DOP1A: variants seen among roughly 807,000 people sequenced by gnomAD.
DOP1A encodes protein DOP1A.
In DOP1A, 90 loss-of-function variants were observed where a neutral mutation model predicts 267.6. The ratio of observed to expected loss-of-function variants is 0.34; its 90% CI spans 0.28 to 0.40. The LOEUF (loss-of-function observed/expected upper bound fraction) is 0.40, where lower values mean the gene tolerates loss of function less well. Among genes scored for constraint, DOP1A ranks in the 10% least tolerant of loss-of-function variants. DOP1A has a pLI of 1.00. For synonymous variants in DOP1A, 932 were observed against 999.1 expected, an observed-to-expected ratio of 0.93 and a Z score of 1.27; for missense variants, 2,437 against 2,900.4, an observed-to-expected ratio of 0.84 and a Z score of 3.67.
intron 1 of DOP1A, among the ~76,000 whole-genome samples, chr6:83,084,002 TA>T (rs1008522489): frequency 2.6e-5 from 4 of 152,180 alleles, no homozygotes; most frequent in Admixed American, 2.6e-4. Context: ...ATTTACTTGG[TA>T]AAAAAAGAAA....
At chr6:83,134,418 T>C (rs897660430) in intron 19 of DOP1A, 131 bp downstream of exon 19, 2 of 689,190 alleles carry the variant, frequency 2.9e-6, no homozygotes, top group Admixed American at 7.3e-5. Context: ...ATTTATTATT[T>C]TGAAAACCGT....
intron 27 of DOP1A, among the ~76,000 whole-genome samples, chr6:83,149,439 C>G (rs1781186413): frequency 6.6e-6 from 1 of 152,106 alleles, no homozygotes; most frequent in South Asian, 2.1e-4. Flanking sequence ...CACAGAAAGC[C>G]TTTGTGAAAC....
intron 10 of DOP1A, 106 bp from the exon 11 acceptor site, chr6:83,121,824 T>G: frequency 3.4e-6 from 4 of 1,183,532 alleles, no homozygotes; most frequent in Non-Finnish European, 4.6e-6. Flanking sequence ...AATACTATTT[T>G]AAAAATACTT....
intron 20 of DOP1A, among the ~76,000 whole-genome samples, chr6:83,136,094 T>C (rs996997710): frequency 6.6e-6 from 1 of 152,126 alleles, no homozygotes; most frequent in Non-Finnish European, 1.5e-5. Context: ...GTTGACTCTT[T>C]CAGGGCAGGA....
chr6:83,108,868 G>T (rs1260228837), intron 4 of DOP1A, 42 bp from the exon 5 acceptor site: 15 of 1,551,018 alleles, frequency 9.7e-6, no homozygotes, highest in Non-Finnish European at 1.3e-5. Flanking sequence ...ATATTGTATA[G>T]TTATTTTGCT....
chr6:83,120,672 CT>C lies in DOP1A; in HGVS notation c.991-5del. On this transcript the variant is annotated splice_polypyrimidine_tract_variant and intron_variant, in intron 9 of 38. Transcript: ENST00000349129. Reference sequence around the variant, plus strand: ...TTACTTAAATGACCAGTGTACTTTCCTTTTTTAAAGGCAATGGTGGGAATCT... The same window carrying C: ...TTACTTAAATGACCAGTGTACTTTCCTTTTTAAAGGCAATGGTGGGAATCT... 1.3e-6 allele frequency: 2 copies of C among 1,556,940 alleles called. No homozygotes were observed. Among genetic ancestry groups the C allele is most frequent in the Non-Finnish European group, 8.8e-7 (1 of 1,139,126 alleles).
chr6:83,095,642 T>C (rs906847147), intron 1 of DOP1A, among the ~76,000 whole-genome samples: 9 of 152,244 alleles, frequency 5.9e-5, no homozygotes, highest in Non-Finnish European at 8.8e-5. Context: ...TACGTATTGC[T>C]GTGTAACAAA....
intron 17 of DOP1A, 91 bp from the exon 18 acceptor site, chr6:83,132,085 G>C: frequency 6.9e-7 from 1 of 1,451,736 alleles, no homozygotes; most frequent in Middle Eastern, 2.1e-4. Flanking sequence ...AGGTCTGACA[G>C]AGAGCAGGCA....
intron 8 of DOP1A, among the ~76,000 whole-genome samples, chr6:83,119,321 C>A (rs1354815512): frequency 6.6e-6 from 1 of 152,026 alleles, no homozygotes; most frequent in Non-Finnish European, 1.5e-5. Flanking sequence ...TTGAATTCAT[C>A]AAAGGAATCA....
rs144325990 is a variant in DOP1A, at chr6:83,132,275, T to C, written c.2716T>C (p.Ser906Pro). Residue 906 changes from serine (S) to proline (P), a missense_variant, in exon 18 of 39, where the codon TCT becomes CCT. Transcript: ENST00000349129. ...LFYQLHNLVP[S>P]SSICEDVISQ... ...TTATCAATTACATAACTTAGTTCCT[T>C]CTTCTAGCATCTGTGAGGATGTTAT... is the stretch of plus-strand genomic sequence containing the variant. 3 of 1,613,632 alleles carry C rather than the reference T, an allele frequency of 1.9e-6. No homozygotes were observed. Among genetic ancestry groups the C allele is most frequent in the African/African-American group, 2.7e-5 (2 of 74,880 alleles).
intron 18 of DOP1A, 92 bp downstream of exon 18, chr6:83,132,420 T>C (rs1583049363): frequency 7.4e-7 from 1 of 1,356,338 alleles, no homozygotes; most frequent in Non-Finnish European, 9.9e-7. Context: ...AGGGAAATTA[T>C]TGCAATTAAC....
At chr6:83,159,637 T>A (rs909989126) in intron 36 of DOP1A, 159 bp from the exon 37 acceptor site, 4 of 808,776 alleles carry the variant, frequency 4.9e-6, no homozygotes, top group African/African-American at 3.5e-5. Context: ...AATTTTTGAT[T>A]TGAAAACAGT....
At chr6:83,088,293 T>C (rs1231858524) in intron 1 of DOP1A, among the ~76,000 whole-genome samples, 1 of 152,064 alleles carries the variant, frequency 6.6e-6, no homozygotes, top group Non-Finnish European at 1.5e-5. Flanking sequence ...GTGTATACCA[T>C]TTGAAAGTTT....
downstream of DOP1A, chr6:83,170,314 T>A: frequency 6.2e-7 from 1 of 1,614,162 alleles, no homozygotes; most frequent in Non-Finnish European, 8.5e-7. Context: ...CTTGTGAGTC[T>A]GCTTCTGCAT....
At chr6:83,147,412 C>A in intron 26 of DOP1A, 121 bp downstream of exon 26, 1 of 420,602 alleles carries the variant, frequency 2.4e-6, no homozygotes, top group Non-Finnish European at 4.1e-6. Context: ...ATCCTACAAA[C>A]CTAAAGACCT....
At chr6:83,154,850 A>G (rs753091825) in intron 33 of DOP1A, among the ~76,000 whole-genome samples, 1 of 152,232 alleles carries the variant, frequency 6.6e-6, no homozygotes, top group South Asian at 2.1e-4. Flanking sequence ...GTAACATTGT[A>G]TGATTCTGTA....
At chr6:83,071,219 T>TA (rs1491579004) in intron 1 of DOP1A, among the ~76,000 whole-genome samples, 5 of 143,088 alleles carry the variant, frequency 3.5e-5, no homozygotes, top group African/African-American at 1.3e-4. Context: ...GGAAGTAACC[T>TA]TTTTTTTTTT....
chr6:83,125,072 A>C (rs963480596), intron 13 of DOP1A, 94 bp from the exon 14 acceptor site: 2 of 1,179,484 alleles, frequency 1.7e-6, no homozygotes, highest in African/African-American at 1.6e-5. Context: ...CTAATGCTGC[A>C]TTTATATTAA....
chr6:83,168,902 CAAG>C, downstream of DOP1A: 1 of 1,068,524 alleles, frequency 9.4e-7, no homozygotes, highest in Non-Finnish European at 1.1e-6. Flanking sequence ...AAAGATATCA[CAAG>C]GAGTTGGTAA....
Sources: gnomAD v4.1 joint callset for allele counts (sites outside exome capture counted in the v4.1 genomes callset) on GRCh38, gnomAD v4.1.1 for gene constraint, MANE v1.5 for transcripts, NCBI Gene and HGNC (gene_info 2026-07-23, HGNC 2026-07-21) for gene names.